CTIF: variants seen among roughly 807,000 people sequenced by gnomAD.
CTIF encodes cap binding complex dependent translation initiation factor.
CTIF carries 21 observed loss-of-function variants against 66.0 expected under a neutral mutation model. The ratio of observed to expected loss-of-function variants is 0.32; its 90% CI spans 0.23 to 0.46. The LOEUF (loss-of-function observed/expected upper bound fraction) is 0.46. CTIF is among the 20% of genes least tolerant of loss of function. CTIF has a pLI of 1.00. For missense variants in CTIF, 739 were observed against 812.7 expected (o/e 0.91, Z 1.10); for synonymous variants, 345 against 326.4 (o/e 1.06, Z -0.62).
intron 1 of CTIF, among the ~76,000 whole-genome samples, chr18:48,592,631 A>G (rs922766128): frequency 2.8e-4 from 42 of 152,318 alleles, no homozygotes; most frequent in Admixed American, 4.6e-4. Flanking sequence ...AAGTGCAGTG[A>G]GTGGATTAAT....
chr18:48,744,493 C>G (rs2092579216), intron 7 of CTIF, among the ~76,000 whole-genome samples: 1 of 152,272 alleles, frequency 6.6e-6, no homozygotes, highest in Admixed American at 6.5e-5. Flanking sequence ...ACAAAGAATT[C>G]TTATATATCC....
chr18:48,729,470 G>T (rs1299484053), intron 7 of CTIF, among the ~76,000 whole-genome samples: 4 of 152,190 alleles, frequency 2.6e-5, no homozygotes, highest in African/African-American at 9.6e-5. Context: ...CACAAATAAA[G>T]ATGGCTCCCC....
intron 9 of CTIF, among the ~76,000 whole-genome samples, chr18:48,816,831 G>C (rs753710135): frequency 5.3e-5 from 8 of 152,222 alleles, no homozygotes; most frequent in Non-Finnish European, 1.0e-4. Flanking sequence ...GGCATGACTT[G>C]GGGGTTAGCA....
At position 48,761,562 on chromosome 18, in the gene CTIF, G is replaced by C; in HGVS notation, c.1244G>C (p.Arg415Pro). ...NSEEMLGEIV[R>P]TIYQKAVSDR... ...GAGGAGATGCTGGGCGAGATCGTGCGCACAATCTACCAGAAGGCTGTGTCC... is the reference window on the plus strand; with the variant it reads ...GAGGAGATGCTGGGCGAGATCGTGCCCACAATCTACCAGAAGGCTGTGTCC... The change falls in exon 9 of 12, where the codon CGC (arginine) becomes CCC (proline). Residue 415 changes from arginine to proline, a missense_variant. Physicochemically the swap from Arg to Pro is moderately radical, Grantham distance 103. Coordinates refer to ENST00000256413, the MANE Select transcript of CTIF (RefSeq NM_014772.3). This position sits in a 1 kb window ranked among gnomAD's most constrained non-coding sequence, Gnocchi z 4.2. 1 of 1,614,198 alleles carries C rather than the reference G, an allele frequency of 6.2e-7. No individual in the cohort carries two copies. Among genetic ancestry groups the C allele is most frequent in the Non-Finnish European group, 8.5e-7 (1 of 1,180,042 alleles).
rs58084631 is a variant in CTIF at position 48,568,633 on chromosome 18, TAAAAAAAAAAAAAAAAA to T, written c.-29+29340_-29+29356del. Among the ~76,000 whole-genome samples the T allele has an allele frequency of 2.6e-3, 97 of 36,654 alleles. 3 individuals carry two copies. The highest frequency in any genetic ancestry group is 0.02 in the East Asian group (23 of 1,176). The allele number at this position is 36,654 out of a possible 152,430, so 24.0% of individuals were successfully genotyped here. A position where few individuals can be genotyped will look rare whatever the true frequency, so the allele number is the denominator to read the frequency against. ...GAAATACCTGAGACTGGGCAATTTGTAAAAAAAAAAAAAAAAAAAAAAAAAAAAAAAAAAAGAGGTTT... is the reference window on the plus strand; with the variant it reads ...GAAATACCTGAGACTGGGCAATTTGTAAAAAAAAAAAAAAAAAAGAGGTTT... On this transcript the variant is annotated intron_variant, in intron 1 of 11. Coordinates refer to ENST00000256413, the MANE Select transcript of CTIF (RefSeq NM_014772.3).
chr18:48,740,399 A>G (rs1348986974), intron 7 of CTIF, among the ~76,000 whole-genome samples: 4 of 152,198 alleles, frequency 2.6e-5, no homozygotes, highest in African/African-American at 9.7e-5. Flanking sequence ...CTCTTCCTGC[A>G]ACCCCACCCT....
At chr18:48,575,572 C>A (rs1024155179) in intron 1 of CTIF, among the ~76,000 whole-genome samples, 47 of 152,246 alleles carry the variant, frequency 3.1e-4, no homozygotes, top group African/African-American at 1.1e-3. Context: ...AGCCCTGCAA[C>A]CCCCAGCACA....
intron 7 of CTIF, among the ~76,000 whole-genome samples, chr18:48,736,755 C>T (rs1393982620): frequency 6.6e-6 from 1 of 152,172 alleles, no homozygotes; most frequent in Non-Finnish European, 1.5e-5. Context: ...CCACATGGCC[C>T]TCCTGGGGAA....
At chr18:48,804,509 T>A (rs2068104588) in intron 9 of CTIF, among the ~76,000 whole-genome samples, 1 of 152,170 alleles carries the variant, frequency 6.6e-6, no homozygotes. Flanking sequence ...CTGGGCTGCA[T>A]GTGCAGACTG....
intron 7 of CTIF, among the ~76,000 whole-genome samples, chr18:48,724,233 CCA>C (rs2092366317): frequency 6.6e-6 from 1 of 152,216 alleles, no homozygotes; most frequent in Non-Finnish European, 1.5e-5. Flanking sequence ...CACAGACTCA[CCA>C]ACAACTTGTG....
intron 9 of CTIF, among the ~76,000 whole-genome samples, chr18:48,776,191 C>A (rs1341077419): frequency 6.6e-6 from 1 of 152,224 alleles, no homozygotes; most frequent in Non-Finnish European, 1.5e-5. Flanking sequence ...ACCCGCCACC[C>A]CTCCCTGGTG....
At chr18:48,770,007 T>A (rs1909953824) in intron 9 of CTIF, among the ~76,000 whole-genome samples, 1 of 152,336 alleles carries the variant, frequency 6.6e-6, no homozygotes, top group East Asian at 1.9e-4. Flanking sequence ...AACATGTGGC[T>A]TCCAGGAGTG....
chr18:48,812,353 A>T (rs2068275614), intron 9 of CTIF, among the ~76,000 whole-genome samples: 1 of 152,142 alleles, frequency 6.6e-6, no homozygotes, highest in Non-Finnish European at 1.5e-5. Context: ...CTTATGTAAG[A>T]TCTTTCTCTC....
At chr18:48,744,645 C>CT (rs1378852993) in intron 7 of CTIF, among the ~76,000 whole-genome samples, 1 of 152,066 alleles carries the variant, frequency 6.6e-6, no homozygotes, top group Non-Finnish European at 1.5e-5. Flanking sequence ...AAAACAAAGA[C>CT]TTTTTTTCAT....
intron 2 of CTIF, among the ~76,000 whole-genome samples, chr18:48,620,183 A>G (rs1304843052): frequency 6.6e-6 from 1 of 152,236 alleles, no homozygotes; most frequent in Non-Finnish European, 1.5e-5. Flanking sequence ...TGGTAGCCAA[A>G]GGAATGATTG....
At chr18:48,625,656 C>T (rs947528421) in intron 2 of CTIF, among the ~76,000 whole-genome samples, 1 of 152,174 alleles carries the variant, frequency 6.6e-6, no homozygotes, top group Non-Finnish European at 1.5e-5. Flanking sequence ...TTTCACCTGC[C>T]CACATGCCCC....
chr18:48,817,775 CAA>C (rs112155073), intron 10 of CTIF, among the ~76,000 whole-genome samples: 46 of 137,150 alleles, frequency 3.4e-4, no homozygotes, highest in Admixed American at 2.9e-4. Context: ...ACTCGGTCTC[CAA>C]AAAAAAAAAA....
At chr18:48,557,359 C>T (rs755807710) in intron 1 of CTIF, among the ~76,000 whole-genome samples, 4 of 152,166 alleles carry the variant, frequency 2.6e-5, no homozygotes, top group Admixed American at 6.5e-5. Context: ...GGGATAGGCA[C>T]GTGACCAGAG....
At chr18:48,546,109 G>C (rs2088742843) in intron 1 of CTIF, among the ~76,000 whole-genome samples, 1 of 152,132 alleles carries the variant, frequency 6.6e-6, no homozygotes, top group Non-Finnish European at 1.5e-5. Flanking sequence ...TAGTTTTGTT[G>C]GGGAGAGAAG....
Sources: gnomAD v4.1 joint callset for allele counts (sites outside exome capture counted in the v4.1 genomes callset) on GRCh38, gnomAD v4.1.1 for gene constraint, Gnocchi (gnomAD v3.1) non-coding constraint, MANE v1.5 for transcripts, NCBI Gene and HGNC (gene_info 2026-07-23, HGNC 2026-07-21) for gene names.